BID: variants seen among roughly 807,000 people sequenced by gnomAD.
BID encodes the protein BH3 interacting domain death agonist.
BID carries 19 observed loss-of-function variants against 17.4 expected under a neutral mutation model. That is an observed-to-expected ratio of 1.09 (90% CI 0.76 to 1.60). BID has a LOEUF of 1.60. Ranked by LOEUF, BID falls within the 40% of genes most tolerant of loss-of-function variation. The pLI, the probability that BID is intolerant of heterozygous loss-of-function variation, is 0.00. For synonymous variants in BID, 108 were observed against 102.8 expected, an observed-to-expected ratio of 1.05 and a Z score of -0.31; for missense variants, 226 against 256.0, an observed-to-expected ratio of 0.88 and a Z score of 0.80.
At chr22:17,762,405 A>G (rs1013877591) in intron 1 of BID, among the ~76,000 whole-genome samples, 9 of 152,164 alleles carry the variant, frequency 5.9e-5, no homozygotes, top group African/African-American at 1.7e-4. Flanking sequence ...CTGAGGCAGA[A>G]GAATTGCTTG....
chr22:17,748,284 C>T (rs1218318309), intron 2 of BID, among the ~76,000 whole-genome samples: 9 of 149,732 alleles, frequency 6.0e-5, no homozygotes, highest in Admixed American at 2.0e-4. Context: ...CCCAGACGGG[C>T]GGATCACGAG....
chr22:17,757,147 G>C lies in BID; in HGVS notation c.-58-6973C>G, dbSNP rs186499999. Among the ~76,000 whole-genome samples, 395 of 152,190 alleles carry C rather than the reference G, an allele frequency of 2.6e-3. 1 individual carries two copies. Among genetic ancestry groups the C allele is most frequent in the African/African-American group, 8.7e-3 (362 of 41,554 alleles). ...CACCAGGCTTCGGCCGGGCACGCTG[G>C]CTCATGCCTGTAATCCCAGCACTTT... On this transcript the variant is annotated intron_variant, in intron 1 of 5. Coordinates refer to ENST00000622694, the MANE Select transcript of BID (RefSeq NM_001196.4).
At chr22:17,742,357 T>C (rs992137995) in intron 3 of BID, among the ~76,000 whole-genome samples, 1 of 152,220 alleles carries the variant, frequency 6.6e-6, no homozygotes, top group African/African-American at 2.4e-5. Flanking sequence ...GCTGTGCCTG[T>C]CCACTCCTGC....
chr22:17,735,118 T>C lies in BID; in HGVS notation c.*462A>G, dbSNP rs8190355. On this transcript the variant is annotated 3_prime_UTR_variant, in exon 6 of 6. Coordinates refer to ENST00000622694, the MANE Select transcript of BID (RefSeq NM_001196.4). ...GAATTTTTCATTTGTAAGGGGTATG[T>C]TCCTTCTCTGATTCTTGCTTTCCTC... 0.022 allele frequency: 3,652 copies of C among 162,892 alleles called. 136 individuals are homozygous for C. Among genetic ancestry groups the C allele is most frequent in the African/African-American group, 0.084 (3,490 of 41,618 alleles). The allele number at this position is 162,892 out of a possible 1,614,324, so 10.1% of individuals were successfully genotyped here. A position where few individuals can be genotyped will look rare whatever the true frequency, so the allele number is the denominator to read the frequency against.
intron 1 of BID, among the ~76,000 whole-genome samples, chr22:17,758,094 G>A (rs531423260): frequency 1.3e-5 from 2 of 152,346 alleles, no homozygotes; most frequent in South Asian, 4.1e-4. Context: ...GGGGGTCCTT[G>A]AAGGTAACGG....
chr22:17,739,466 G>A lies in BID; in HGVS notation c.246C>T (p.Ile82=), dbSNP rs2061443054. Residue 82 remains isoleucine (I), a synonymous_variant, in exon 4 of 6, where the codon ATC becomes ATT. Coordinates refer to ENST00000622694, the MANE Select transcript of BID (RefSeq NM_001196.4). ...IEADSESQED[I]IRNIARHLAQ... ...CGAGGTGCCTGGCAATATTCCGGAT[G>A]ATGTCTTCTTGACTTTCAGAATCTG... 1.2e-5 allele frequency: 20 copies of A among 1,612,306 alleles called. No homozygotes were observed. The highest frequency in any genetic ancestry group is 1.7e-5 in the Non-Finnish European group (20 of 1,179,794).
chr22:17,737,708 CCCTT>C (rs1461140092), intron 5 of BID, among the ~76,000 whole-genome samples: 1 of 152,168 alleles, frequency 6.6e-6, no homozygotes, highest in Non-Finnish European at 1.5e-5. Context: ...GCCCTCCAGC[CCCTT>C]CCTTCCACTC....
At chr22:17,748,339 C>T (rs1402470420) in intron 2 of BID, among the ~76,000 whole-genome samples, 1 of 151,034 alleles carries the variant, frequency 6.6e-6, no homozygotes, top group Non-Finnish European at 1.5e-5. Context: ...GAAACCCCGT[C>T]TTTACTAAGA....
chr22:17,736,219 G>A (rs1356806482), intron 5 of BID, among the ~76,000 whole-genome samples: 2 of 152,130 alleles, frequency 1.3e-5, no homozygotes, highest in Non-Finnish European at 2.9e-5. Context: ...CCAGCACTTT[G>A]GGAGGCCGAG....
intron 1 of BID, among the ~76,000 whole-genome samples, chr22:17,756,705 A>G (rs1355921983): frequency 6.6e-6 from 1 of 151,850 alleles, no homozygotes; most frequent in Non-Finnish European, 1.5e-5. Flanking sequence ...CCCCCCAAGC[A>G]GATGGGGCTA....
intron 5 of BID, among the ~76,000 whole-genome samples, chr22:17,737,791 A>G (rs529882507): frequency 1.2e-4 from 18 of 152,186 alleles, no homozygotes; most frequent in Non-Finnish European, 2.5e-4. Context: ...CTCTGAATGG[A>G]GCATGTCTCC....
At chr22:17,766,466 A>C (rs1395726722) in intron 1 of BID, among the ~76,000 whole-genome samples, 1 of 150,792 alleles carries the variant, frequency 6.6e-6, no homozygotes, top group Non-Finnish European at 1.5e-5. Flanking sequence ...TTTTTAGTAG[A>C]GAGGGGGTTT....
At chr22:17,758,829 C>T (rs977207534) in intron 1 of BID, among the ~76,000 whole-genome samples, 2 of 152,108 alleles carry the variant, frequency 1.3e-5, no homozygotes, top group Non-Finnish European at 2.9e-5. Context: ...AATGGTTGCA[C>T]GACAATGAGA....
Position 17,745,162 on chromosome 22 carries a change from C to T in BID, c.13-1149G>A, listed in dbSNP as rs1185184331. 2.6e-5 allele frequency among the ~76,000 whole-genome samples: 4 copies of T among 152,066 alleles called. No homozygotes were observed. The South Asian group carries it at 6.2e-4, about 24-fold the overall frequency. On this transcript the variant is annotated intron_variant, in intron 2 of 5. Coordinates refer to ENST00000622694, the MANE Select transcript of BID (RefSeq NM_001196.4). ...GCTTCCTGGGTTCAAATGATTCTCC[C>T]GCCTCAGCTTCCTGAGTAGCTGGGA... is the stretch of plus-strand genomic sequence containing the variant.
Position 17,773,721 on chromosome 22 carries a change from G to T in BID, c.-59+660C>A. On this transcript the variant is annotated intron_variant, in intron 1 of 5. Transcript: ENST00000622694. The surrounding 1 kb of genome is among the most constrained non-coding windows in gnomAD (Gnocchi z 4.4). ...TTGTTGAATGAATGAATGAACCCTT[G>T]CCAGCCCAGCCACTTGGTGGCTGAG... The T allele has an allele frequency of 1.9e-6, 3 of 1,596,400 alleles. No individual in the cohort carries two copies. The highest frequency in any genetic ancestry group is 2.6e-6 in the Non-Finnish European group (3 of 1,175,950).
intron 1 of BID, among the ~76,000 whole-genome samples, chr22:17,765,849 AAAGAC>A (rs1490766004): frequency 6.6e-6 from 1 of 152,226 alleles, no homozygotes; most frequent in Non-Finnish European, 1.5e-5. Flanking sequence ...AAACTGAAGA[AAAGAC>A]ATAGCTTTTT....
chr22:17,738,128 C>A lies in BID; in HGVS notation c.465G>T (p.Leu155=). Residue 155 remains leucine, a synonymous_variant, in exon 5 of 6, where the codon CTG becomes CTT. Coordinates refer to ENST00000622694, the MANE Select transcript of BID (RefSeq NM_001196.4). ...EKTMLVLALL[L]AKKVASHTPS... The stretch of plus-strand genomic sequence containing the variant: ...GCGTGTGACTGGCCACCTTCTTGGC[C>A]AGCAGCAGGGCCAGCACCAGCATGG... 1 of 1,614,068 alleles carries A rather than the reference C, an allele frequency of 6.2e-7. No homozygotes were observed. The highest frequency in any genetic ancestry group is 1.7e-5 in the Admixed American group (1 of 60,022).
Position 17,743,797 on chromosome 22 carries a change from G to A in BID, c.223+6C>T, listed in dbSNP as rs780397060. ...TTTGGGGAAGGAGGTGGGGCCGGCCGCCTACCTGCCTCTATTCTTCCCAAG... is the reference window on the plus strand; with the variant it reads ...TTTGGGGAAGGAGGTGGGGCCGGCCACCTACCTGCCTCTATTCTTCCCAAG... On this transcript the variant is annotated splice_donor_region_variant and intron_variant, in intron 3 of 5. Coordinates refer to ENST00000622694, the MANE Select transcript of BID (RefSeq NM_001196.4). The A allele has an allele frequency of 4.4e-6, 7 of 1,607,448 alleles. No individual in the cohort carries two copies. The highest frequency in any genetic ancestry group is 2.0e-4 in the Middle Eastern group (1 of 4,940).
intron 3 of BID, among the ~76,000 whole-genome samples, chr22:17,743,235 C>G (rs1351863878): frequency 6.6e-6 from 1 of 152,244 alleles, no homozygotes. Context: ...CACTGTGAAA[C>G]CAGTGGGCCT....
Sources: gnomAD v4.1 joint callset for allele counts (sites outside exome capture counted in the v4.1 genomes callset) on GRCh38, gnomAD v4.1.1 for gene constraint, Gnocchi (gnomAD v3.1) non-coding constraint, MANE v1.5 for transcripts, NCBI Gene and HGNC (gene_info 2026-07-23, HGNC 2026-07-21) for gene names.